IGSF9B: variants seen among roughly 807,000 people sequenced by gnomAD.
The protein encoded by IGSF9B is immunoglobulin superfamily member 9B, also known as protein turtle homolog B.
A neutral mutation model predicts 143.7 loss-of-function variants in IGSF9B; 48 were observed. The ratio of observed to expected loss-of-function variants is 0.33; its 90% CI spans 0.26 to 0.42. The LOEUF is 0.42. IGSF9B is among the 20% of genes least tolerant of loss of function. The probability of loss-of-function intolerance (pLI) is 1.00; values close to 1 mark genes in which losing one functional copy is unlikely to be tolerated. For synonymous variants in IGSF9B, 903 were observed against 833.1 expected (o/e 1.08, Z -1.44); for missense variants, 1,706 against 1,980.0 (o/e 0.86, Z 2.63).
In IGSF9B at chr11:133,928,817, C is replaced by G. The variant is rs1033776089; in HGVS notation, c.1631+854G>C. On this transcript the variant is annotated intron_variant, in intron 12 of 19. Coordinates refer to ENST00000533871, the MANE Select transcript of IGSF9B (RefSeq NM_001277285.4). The surrounding 1 kb of genome is among the most constrained non-coding windows in gnomAD (Gnocchi z 4.7). ...ATCTACCCTAAGGTTTGCGCAAAGA[C>G]CTCATATGACTGCATCTGGCTAAAC... 1.3e-5 allele frequency among the ~76,000 whole-genome samples: 2 copies of G among 152,180 alleles called. No homozygotes were observed. Among genetic ancestry groups the G allele is most frequent in the Non-Finnish European group, 2.9e-5 (2 of 68,046 alleles).
chr11:133,909,109 C>T lies in IGSF9B; in HGVS notation c.4274G>A (p.Ser1425Asn). 6.5e-7 allele frequency: 1 copy of T among 1,535,940 alleles called. No homozygotes were observed. The highest frequency in any genetic ancestry group is 8.7e-7 in the Non-Finnish European group (1 of 1,146,752). ...LPEDQTAILN[S>N]VDHDDPGHAT... Reference sequence around the variant, plus strand: ...ATGTCCTGGGTCATCGTGGTCCACACTGTTGAGAATCGCTGTCTGGTCTTC... The same window carrying T: ...ATGTCCTGGGTCATCGTGGTCCACATTGTTGAGAATCGCTGTCTGGTCTTC... Residue 1425 changes from serine (S) to asparagine (N), a missense_variant, in exon 20 of 20, where the codon AGT becomes AAT. Coordinates refer to ENST00000533871, the MANE Select transcript of IGSF9B (RefSeq NM_001277285.4). The surrounding 1 kb of genome is among the most constrained non-coding windows in gnomAD (Gnocchi z 4.2).
chr11:133,933,073 G>C (rs1565437419), intron 7 of IGSF9B, among the ~76,000 whole-genome samples: 1 of 152,150 alleles, frequency 6.6e-6, no homozygotes, highest in Non-Finnish European at 1.5e-5. Context: ...GCCGGAGGCA[G>C]CCCATGCACC....
At chr11:133,952,038 T>A (rs1940168447) in intron 1 of IGSF9B, 1 of 455,436 alleles carries the variant, frequency 2.2e-6, no homozygotes, top group South Asian at 1.6e-5. Context: ...AAAGCCAGGC[T>A]GAGCGGGACC....
chr11:133,941,581 A>C (rs1939956176), intron 3 of IGSF9B, among the ~76,000 whole-genome samples: 1 of 152,240 alleles, frequency 6.6e-6, no homozygotes, highest in African/African-American at 2.4e-5. Context: ...AGAAAGGCAG[A>C]AGAGGAGAAA....
chr11:133,930,123 G>A (rs189620089), intron 11 of IGSF9B, among the ~76,000 whole-genome samples: 180 of 152,198 alleles, frequency 1.2e-3, no homozygotes, highest in African/African-American at 4.3e-3. Context: ...CTCCTAAGGC[G>A]GCAGGCACAG....
rs1939032176 is a variant in IGSF9B, at chr11:133,897,117, A to G, written c.*11952T>C. The G allele has an allele frequency of 6.6e-6, 1 of 152,004 alleles. No individual in the cohort carries two copies. Among genetic ancestry groups the G allele is most frequent in the Non-Finnish European group, 1.5e-5 (1 of 68,020 alleles). 9.4% of individuals were successfully genotyped at this position (152,004 alleles called of 1,614,324 possible). On this transcript the variant is annotated 3_prime_UTR_variant, in exon 20 of 20. Coordinates refer to ENST00000533871, the MANE Select transcript of IGSF9B (RefSeq NM_001277285.4). ...GGAAGGGCCCCTTATAAATGCTTTG[A>G]GTTTGGAGATTTTGAGGGAAAAAAA...
chr11:133,916,151 G>A (rs1029843141), intron 18 of IGSF9B, among the ~76,000 whole-genome samples: 34 of 152,142 alleles, frequency 2.2e-4, no homozygotes, highest in African/African-American at 7.7e-4. Context: ...TGAGGACAGG[G>A]CATCACTAGG....
In IGSF9B at chr11:133,931,189, G is replaced by T. The variant is rs1038893371; in HGVS notation, c.1369-55C>A. 1.3e-6 allele frequency: 2 copies of T among 1,548,476 alleles called. No individual in the cohort carries two copies. Among genetic ancestry groups the T allele is most frequent in the Non-Finnish European group, 1.8e-6 (2 of 1,137,580 alleles). On this transcript the variant is annotated intron_variant, in intron 10 of 19. Transcript: ENST00000533871. The surrounding 1 kb of genome is among the most constrained non-coding windows in gnomAD (Gnocchi z 7.7). ...GGGAACAGAAATGGGGGTTAGGAGA[G>T]AAGCCCGAAGCAGATGGGGAGGACG...
At chr11:133,946,425 C>G (rs531479312) in intron 1 of IGSF9B, 167 bp from the exon 2 acceptor site, 6 of 621,264 alleles carry the variant, frequency 9.7e-6, no homozygotes, top group South Asian at 1.9e-5. Context: ...CCCTCTCCCC[C>G]TCGCTGCTCA....
At position 133,899,662 on chromosome 11, in the gene IGSF9B, A is replaced by C. The variant is rs1456394634; in HGVS notation, c.*9407T>G. The C allele has an allele frequency of 1.3e-5, 2 of 152,308 alleles. No individual in the cohort carries two copies. The highest frequency in any genetic ancestry group is 1.9e-4 in the East Asian group (1 of 5,200). 9.4% of individuals were successfully genotyped at this position (152,308 alleles called of 1,614,324 possible). A position where few individuals can be genotyped will look rare whatever the true frequency, so the allele number is the denominator to read the frequency against. ...TAGGACATGCCCGAGGTGTTGGAGC[A>C]GTTTACTCTGCTGGTTGCATGTGGC... On this transcript the variant is annotated 3_prime_UTR_variant, in exon 20 of 20. Transcript: ENST00000533871.
chr11:133,917,181 G>A (rs1451315148), intron 18 of IGSF9B, among the ~76,000 whole-genome samples: 1 of 152,200 alleles, frequency 6.6e-6, no homozygotes, highest in Non-Finnish European at 1.5e-5. Context: ...CTCCCATGCA[G>A]GTGCCCGATG....
chr11:133,937,273 A>T, intron 5 of IGSF9B, 103 bp downstream of exon 5: 1 of 807,028 alleles, frequency 1.2e-6, no homozygotes. Context: ...CTGCACCTCC[A>T]CTAGCCCCAG....
In IGSF9B at chr11:133,948,060, T is replaced by C. The variant is rs533054023; in HGVS notation, c.65-1802A>G. Reference sequence around the variant, plus strand: ...TTCTGTCTACCAGCATGTGTGCGTGTGTGTGTGTGTGTGTGTGTGTGTGTG... The same window carrying C: ...TTCTGTCTACCAGCATGTGTGCGTGCGTGTGTGTGTGTGTGTGTGTGTGTG... On this transcript the variant is annotated intron_variant, in intron 1 of 19. Transcript: ENST00000533871. The surrounding 1 kb of genome is among the most constrained non-coding windows in gnomAD (Gnocchi z 4.7). Among the ~76,000 whole-genome samples, 177 of 44,940 alleles carry C rather than the reference T, an allele frequency of 3.9e-3. No homozygotes were observed. Among genetic ancestry groups the C allele is most frequent in the African/African-American group, 8.2e-3 (162 of 19,692 alleles). The allele number at this position is 44,940 out of a possible 152,430, so 29.5% of individuals were successfully genotyped here.
chr11:133,954,596 C>T (rs1940217943), intron 1 of IGSF9B, among the ~76,000 whole-genome samples: 1 of 152,150 alleles, frequency 6.6e-6, no homozygotes, highest in Non-Finnish European at 1.5e-5. Flanking sequence ...ACACTCATGT[C>T]CACCTAAAAA....
intron 18 of IGSF9B, among the ~76,000 whole-genome samples, chr11:133,915,320 G>A (rs1939361457): frequency 7.1e-6 from 1 of 141,080 alleles, no homozygotes; most frequent in South Asian, 2.3e-4. Flanking sequence ...CCAGGCTGGA[G>A]TGAAGTGGCG....
chr11:133,934,596 G>C (rs1319414392), intron 7 of IGSF9B, among the ~76,000 whole-genome samples: 1 of 152,234 alleles, frequency 6.6e-6, no homozygotes, highest in African/African-American at 2.4e-5. Context: ...CCATAGAGAG[G>C]AAAGAGTGAG....
rs1939725224 is a variant in IGSF9B at position 133,931,361 on chromosome 11, G to T, written c.1368+92C>A. ...GCCCTCACACCTCCCCTCAGCCCCG[G>T]GGCTCGCTGGGCCCTCAAACCTCCC... On this transcript the variant is annotated intron_variant, in intron 10 of 19. Coordinates refer to ENST00000533871, the MANE Select transcript of IGSF9B (RefSeq NM_001277285.4). The surrounding 1 kb of genome is among the most constrained non-coding windows in gnomAD (Gnocchi z 7.7). The T allele has an allele frequency of 1.0e-5, 10 of 957,270 alleles. No individual in the cohort carries two copies. The East Asian group carries it at 2.5e-4, about 24-fold the overall frequency. 59.3% of individuals were successfully genotyped at this position (957,270 alleles called of 1,614,324 possible).
chr11:133,908,117 C>T lies in IGSF9B; in HGVS notation c.*952G>A, dbSNP rs972011242. Among the ~76,000 whole-genome samples, 4 of 152,174 alleles carry T rather than the reference C, an allele frequency of 2.6e-5. No individual in the cohort carries two copies. The highest frequency in any genetic ancestry group is 9.7e-5 in the African/African-American group (4 of 41,446). On this transcript the variant is annotated 3_prime_UTR_variant, in exon 20 of 20. Coordinates refer to ENST00000533871, the MANE Select transcript of IGSF9B (RefSeq NM_001277285.4). ...GGGGAGACTTTGGCCACAGAGCTCACGGCCTGGCTGGGCGGAAGGGCGCCG... is the reference window on the plus strand; with the variant it reads ...GGGGAGACTTTGGCCACAGAGCTCATGGCCTGGCTGGGCGGAAGGGCGCCG...
At chr11:133,919,295 G>A (rs1052730627) in intron 18 of IGSF9B, among the ~76,000 whole-genome samples, 3 of 152,126 alleles carry the variant, frequency 2.0e-5, no homozygotes, top group Admixed American at 6.5e-5. Context: ...CAGGCTCCGG[G>A]GTCCTGCTTA....
Sources: gnomAD v4.1 joint callset for allele counts (sites outside exome capture counted in the v4.1 genomes callset) on GRCh38, gnomAD v4.1.1 for gene constraint, Gnocchi (gnomAD v3.1) non-coding constraint, MANE v1.5 for transcripts, NCBI Gene and HGNC (gene_info 2026-07-23, HGNC 2026-07-21) for gene names.